Variants in NTM observed in about 807,000 individuals in gnomAD.
The protein encoded by NTM is IgLON family member 2.
NTM carries 13 observed loss-of-function variants against 42.1 expected under a neutral mutation model. That is an observed-to-expected ratio of 0.31 (90% CI 0.20 to 0.49). The LOEUF (loss-of-function observed/expected upper bound fraction) is 0.49. NTM is among the 20% of genes least tolerant of loss of function. NTM has a pLI of 0.99. For missense variants in NTM, 373 were observed against 452.8 expected (o/e 0.82, Z 1.60); for synonymous variants, 187 against 179.2 (o/e 1.04, Z -0.35).
At chr11:131,389,451 T>C (rs1249640776) in intron 1 of NTM, among the ~76,000 whole-genome samples, 3 of 152,218 alleles carry the variant, frequency 2.0e-5, no homozygotes, top group African/African-American at 7.2e-5. Context: ...TTCGCCTTGG[T>C]GGCAGGTGTG....
At chr11:132,004,160 G>C (rs941869406) in intron 2 of NTM, among the ~76,000 whole-genome samples, 1 of 152,138 alleles carries the variant, frequency 6.6e-6, no homozygotes, top group Non-Finnish European at 1.5e-5. Context: ...AATGAGGGGG[G>C]CATTGGGAGA....
intron 2 of NTM, among the ~76,000 whole-genome samples, chr11:132,091,279 A>G (rs946862798): frequency 1.3e-5 from 2 of 152,012 alleles, no homozygotes; most frequent in African/African-American, 4.8e-5. Flanking sequence ...ATAGTGGCAC[A>G]TGACTGTAAT....
At chr11:131,933,336 G>T (rs1035530896) in intron 2 of NTM, among the ~76,000 whole-genome samples, 1 of 152,158 alleles carries the variant, frequency 6.6e-6, no homozygotes, top group South Asian at 2.1e-4. Context: ...GCACTTGGCC[G>T]GTTTGTAAGG....
intron 1 of NTM, among the ~76,000 whole-genome samples, chr11:131,838,235 C>T (rs1178064254): frequency 6.6e-6 from 1 of 152,124 alleles, no homozygotes; most frequent in Non-Finnish European, 1.5e-5. Flanking sequence ...AGTGATCACT[C>T]ATCCCGGAAG....
At chr11:131,525,196 G>C (rs1464950404) in intron 1 of NTM, among the ~76,000 whole-genome samples, 2 of 152,192 alleles carry the variant, frequency 1.3e-5, no homozygotes, top group Non-Finnish European at 1.5e-5. Context: ...AAAGGGCTGA[G>C]AGCCATAACC....
At chr11:131,687,179 T>A (rs2073994849) in intron 1 of NTM, among the ~76,000 whole-genome samples, 1 of 152,226 alleles carries the variant, frequency 6.6e-6, no homozygotes, top group African/African-American at 2.4e-5. Context: ...TAGCAAATGA[T>A]TTCACTAACC....
intron 1 of NTM, among the ~76,000 whole-genome samples, chr11:131,461,962 A>C (rs946529762): frequency 6.6e-6 from 1 of 152,228 alleles, no homozygotes; most frequent in Non-Finnish European, 1.5e-5. Context: ...GCACACACAA[A>C]ACTGCATGCA....
intron 1 of NTM, among the ~76,000 whole-genome samples, chr11:131,684,465 T>G (rs921631360): frequency 9.2e-5 from 14 of 152,182 alleles, no homozygotes; most frequent in African/African-American, 3.4e-4. Flanking sequence ...GCTGGCAGCA[T>G]CCCCTGGTGC....
chr11:132,134,755 A>ATCTATCTATC (rs59029342), intron 2 of NTM, among the ~76,000 whole-genome samples: 1 of 80,254 alleles, frequency 1.2e-5, no homozygotes, highest in South Asian at 4.4e-4. Flanking sequence ...ATATATATAT[A>ATCTATCTATC]TATATCTCAC....
chr11:131,873,797 A>C (rs1048859932), intron 1 of NTM, among the ~76,000 whole-genome samples: 1 of 142,274 alleles, frequency 7.0e-6, no homozygotes, highest in Non-Finnish European at 1.5e-5. Flanking sequence ...AACAGGTGCT[A>C]TCTCTCCCCT....
intron 1 of NTM, among the ~76,000 whole-genome samples, chr11:131,481,469 G>A (rs992832111): frequency 6.6e-6 from 1 of 152,256 alleles, no homozygotes; most frequent in Non-Finnish European, 1.5e-5. Context: ...TGGTGGAGAA[G>A]AAGGGGGAGA....
intron 2 of NTM, among the ~76,000 whole-genome samples, chr11:131,956,974 G>A (rs2061623917): frequency 6.6e-6 from 1 of 151,230 alleles, no homozygotes; most frequent in African/African-American, 2.5e-5. Flanking sequence ...CTCCTATTTT[G>A]TGCTGTCTAC....
At chr11:132,126,395 C>G (rs1301884544) in intron 2 of NTM, among the ~76,000 whole-genome samples, 2 of 152,008 alleles carry the variant, frequency 1.3e-5, no homozygotes, top group Admixed American at 6.5e-5. Flanking sequence ...TTTTTTCCTT[C>G]CATCACCCCC....
At chr11:132,179,340 AG>A (rs1314144088) in intron 3 of NTM, among the ~76,000 whole-genome samples, 1 of 152,164 alleles carries the variant, frequency 6.6e-6, no homozygotes, top group African/African-American at 2.4e-5. Flanking sequence ...CTAGGGAGAG[AG>A]GGGCAGGACA....
intron 2 of NTM, among the ~76,000 whole-genome samples, chr11:132,128,079 C>T (rs2066154403): frequency 6.6e-6 from 1 of 152,136 alleles, no homozygotes; most frequent in Non-Finnish European, 1.5e-5. Context: ...TTACATTTGG[C>T]AGAAGGCTGT....
intron 2 of NTM, among the ~76,000 whole-genome samples, chr11:131,989,064 C>G (rs1213125607): frequency 6.6e-6 from 1 of 152,116 alleles, no homozygotes; most frequent in African/African-American, 2.4e-5. Flanking sequence ...TTAATTGATA[C>G]AATAGAATTT....
chr11:131,602,654 A>G (rs144570873), intron 1 of NTM, among the ~76,000 whole-genome samples: 1 of 152,282 alleles, frequency 6.6e-6, no homozygotes, highest in African/African-American at 2.4e-5. Flanking sequence ...CAGCCCAAAC[A>G]TCTCTGAGTT....
chr11:131,929,821 TC>T (rs2058402772), intron 2 of NTM, among the ~76,000 whole-genome samples: 1 of 152,228 alleles, frequency 6.6e-6, no homozygotes, highest in African/African-American at 2.4e-5. Flanking sequence ...CCCTGGACTT[TC>T]CTTGTCGTTT....
intron 1 of NTM, among the ~76,000 whole-genome samples, chr11:131,581,132 G>T (rs2058370309): frequency 6.6e-6 from 1 of 152,190 alleles, no homozygotes; most frequent in African/African-American, 2.4e-5. Flanking sequence ...AGTCTTCTTG[G>T]TCATGGCTTC....
Sources: allele counts gnomAD v4.1 joint callset (sites outside exome capture counted in the v4.1 genomes callset), GRCh38; gene constraint gnomAD v4.1.1; transcripts MANE v1.5; gene names NCBI Gene and HGNC (gene_info 2026-07-23, HGNC 2026-07-21).